STK38L: variants seen among roughly 807,000 people sequenced by gnomAD.
The protein encoded by STK38L is serine/threonine-protein kinase 38-like.
A neutral mutation model predicts 59.7 loss-of-function variants in STK38L; 28 were observed. The ratio of observed to expected loss-of-function variants is 0.47; its 90% CI spans 0.35 to 0.64. The LOEUF (loss-of-function observed/expected upper bound fraction) is 0.64, where lower values mean the gene tolerates loss of function less well. Among genes scored for constraint, STK38L ranks in the 30% least tolerant of loss-of-function variants. STK38L has a pLI of 0.01. For missense variants in STK38L, 314 were observed against 555.8 expected (o/e 0.56, Z 4.37); for synonymous variants, 162 against 176.8 (o/e 0.92, Z 0.66).
intron 1 of STK38L, among the ~76,000 whole-genome samples, chr12:27,272,080 C>T (rs1943436164): frequency 6.6e-6 from 1 of 152,202 alleles, no homozygotes; most frequent in Admixed American, 6.5e-5. Flanking sequence ...AAGCAACTTT[C>T]ATTAAGTTGC....
chr12:27,253,268 T>C (rs1339857767), intron 1 of STK38L, among the ~76,000 whole-genome samples: 2 of 152,236 alleles, frequency 1.3e-5, no homozygotes, highest in Non-Finnish European at 2.9e-5. Flanking sequence ...CACCACCTGT[T>C]CAACTTGGTA....
chr12:27,246,321 G>T (rs1464341371), intron 1 of STK38L, among the ~76,000 whole-genome samples: 1 of 66,782 alleles, frequency 1.5e-5, no homozygotes, highest in African/African-American at 1.0e-4. Context: ...ATAAGTTGGA[G>T]GCTCTTTTGT....
intron 1 of STK38L, among the ~76,000 whole-genome samples, chr12:27,263,001 A>G (rs1227734765): frequency 6.6e-6 from 1 of 151,658 alleles, no homozygotes; most frequent in African/African-American, 2.4e-5. Context: ...GTTTCTCCAC[A>G]TTGGCCAGGC....
chr12:27,283,692 A>T (rs1204218826), intron 1 of STK38L, among the ~76,000 whole-genome samples: 1 of 152,186 alleles, frequency 6.6e-6, no homozygotes, highest in African/African-American at 2.4e-5. Flanking sequence ...TTTTATTTTT[A>T]TATATGGGGC....
intron 3 of STK38L, 163 bp downstream of exon 3, chr12:27,302,351 GC>G: frequency 2.0e-6 from 1 of 502,418 alleles, no homozygotes; most frequent in Non-Finnish European, 3.4e-6. Flanking sequence ...TTAGAAGGAG[GC>G]AGTTTTGTTT....
intron 1 of STK38L, among the ~76,000 whole-genome samples, chr12:27,287,199 A>C (rs1240232843): frequency 6.7e-6 from 1 of 149,466 alleles, no homozygotes; most frequent in Non-Finnish European, 1.5e-5. Context: ...TCCGCCTCCC[A>C]GGCTCAAGTG....
chr12:27,317,688 C>T, intron 10 of STK38L: 1 of 754,432 alleles, frequency 1.3e-6, no homozygotes, highest in Non-Finnish European at 2.1e-6. Flanking sequence ...ATCTACATAG[C>T]TTTTCAGGTA....
chr12:27,285,198 G>T (rs1228338626), intron 1 of STK38L, among the ~76,000 whole-genome samples: 1 of 151,964 alleles, frequency 6.6e-6, no homozygotes, highest in Non-Finnish European at 1.5e-5. Flanking sequence ...TCTTTCAGGG[G>T]GTGGTTTTTA....
At chr12:27,294,523 G>T (rs955887787) in intron 1 of STK38L, among the ~76,000 whole-genome samples, 1 of 141,348 alleles carries the variant, frequency 7.1e-6, no homozygotes, top group Non-Finnish European at 1.5e-5. Context: ...AAAAAAAAAA[G>T]ATGCTGGGAA....
At chr12:27,252,295 T>G (rs1343019430) in intron 1 of STK38L, among the ~76,000 whole-genome samples, 1 of 152,130 alleles carries the variant, frequency 6.6e-6, no homozygotes, top group African/African-American at 2.4e-5. Flanking sequence ...AGCACTTTTG[T>G]AGAAAATTGA....
chr12:27,259,347 A>T (rs1220731739), intron 1 of STK38L, among the ~76,000 whole-genome samples: 1 of 152,172 alleles, frequency 6.6e-6, no homozygotes, highest in African/African-American at 2.4e-5. Context: ...CTCACAGTAG[A>T]CAACTGGTCA....
Position 27,285,125 on chromosome 12 carries a change from A to T in STK38L, c.-11-12585A>T, listed in dbSNP as rs187346400. On this transcript the variant is annotated intron_variant, in intron 1 of 13. Coordinates refer to ENST00000389032, the MANE Select transcript of STK38L (RefSeq NM_015000.4). ...CATATTTTAATTTTAGTCTTGTCTAATTTTTGTACCCCCAAAGGACTGCTG... is the reference window on the plus strand; with the variant it reads ...CATATTTTAATTTTAGTCTTGTCTATTTTTTGTACCCCCAAAGGACTGCTG... 8.6e-3 allele frequency among the ~76,000 whole-genome samples: 1,312 copies of T among 152,290 alleles called. 3 individuals are homozygous for T. The highest frequency in any genetic ancestry group is 0.014 in the Non-Finnish European group (966 of 68,018).
intron 1 of STK38L, among the ~76,000 whole-genome samples, chr12:27,295,909 G>A (rs1944008381): frequency 6.6e-6 from 1 of 152,212 alleles, no homozygotes; most frequent in African/African-American, 2.4e-5. Context: ...GATAGGTCAT[G>A]GAAGAGCTTG....
At chr12:27,304,296 A>G (rs1410828686) in intron 3 of STK38L, among the ~76,000 whole-genome samples, 11 of 151,340 alleles carry the variant, frequency 7.3e-5, no homozygotes, top group African/African-American at 2.7e-4. Flanking sequence ...TCTATATTTA[A>G]AGAGTAGACC....
At chr12:27,274,123 C>T (rs375839040) in intron 1 of STK38L, among the ~76,000 whole-genome samples, 2 of 151,758 alleles carry the variant, frequency 1.3e-5, no homozygotes, top group African/African-American at 4.8e-5. Context: ...CGTAGTGGTG[C>T]ACACCGGTAA....
chr12:27,291,090 A>G (rs1943886367), intron 1 of STK38L, among the ~76,000 whole-genome samples: 1 of 152,176 alleles, frequency 6.6e-6, no homozygotes, highest in Non-Finnish European at 1.5e-5. Flanking sequence ...TGCTTCTAAG[A>G]ATGTAATATT....
intron 1 of STK38L, among the ~76,000 whole-genome samples, chr12:27,260,182 A>G (rs1943176094): frequency 6.6e-6 from 1 of 152,056 alleles, no homozygotes; most frequent in Non-Finnish European, 1.5e-5. Context: ...TCTTCTTGTG[A>G]TATAACTAGG....
rs555567086 is a variant in STK38L at position 27,279,052 on chromosome 12, A to G, written c.-11-18658A>G. 2.0e-5 allele frequency among the ~76,000 whole-genome samples: 3 copies of G among 152,358 alleles called. 1 individual carries two copies. The highest frequency in any genetic ancestry group is 4.8e-5 in the African/African-American group (2 of 41,588). On this transcript the variant is annotated intron_variant, in intron 1 of 13. Coordinates refer to ENST00000389032, the MANE Select transcript of STK38L (RefSeq NM_015000.4). ...CCCTGACTTATGAATTTTCAACTTT[A>G]GGTTGGGTTTATTGGGATATAAGAC... is the stretch of plus-strand genomic sequence containing the variant.
At chr12:27,246,375 C>T (rs1942852691) in intron 1 of STK38L, among the ~76,000 whole-genome samples, 1 of 152,126 alleles carries the variant, frequency 6.6e-6, no homozygotes, top group Non-Finnish European at 1.5e-5. Context: ...GGGCACAAAT[C>T]AGAGCCAGAA....
Sources: allele counts gnomAD v4.1 joint callset (sites outside exome capture counted in the v4.1 genomes callset), GRCh38; gene constraint gnomAD v4.1.1; transcripts MANE v1.5; gene names NCBI Gene and HGNC (gene_info 2026-07-23, HGNC 2026-07-21).